Variants in AMBP observed in about 807,000 individuals in gnomAD.
AMBP encodes the protein protein AMBP.
In AMBP, 37 loss-of-function variants were observed where a neutral mutation model predicts 46.3. The ratio of observed to expected loss-of-function variants is 0.80; its 90% CI spans 0.61 to 1.05. The LOEUF is 1.05. Ranked by LOEUF, AMBP falls within the 50% of genes least tolerant of loss-of-function variation. The pLI, the probability that AMBP is intolerant of heterozygous loss-of-function variation, is 0.00. For synonymous variants in AMBP, 174 were observed against 175.9 expected (o/e 0.99, Z 0.09); for missense variants, 475 against 461.2 (o/e 1.03, Z -0.27).
At chr9:114,061,137 T>C (rs766909392) in intron 8 of AMBP, 39 bp from the exon 9 acceptor site, 1 of 1,605,010 alleles carries the variant, frequency 6.2e-7, no homozygotes, top group East Asian at 2.2e-5. Flanking sequence ...GAGAAACCCT[T>C]GTGACTGCTG....
At chr9:114,061,724 G>C in intron 7 of AMBP, 133 bp from the exon 8 acceptor site, 1 of 1,095,850 alleles carries the variant, frequency 9.1e-7, no homozygotes, top group South Asian at 1.7e-5. Context: ...TAAGCAAACT[G>C]ACTCTCAGAG....
rs888456476 is a variant in AMBP, at chr9:114,075,021, C to T, written c.276G>A (p.Glu92=). ...TTTTCTCATAAGCTCCAGACGTCTC[C>T]TCACAGACACCTTTCCTAGAAATGA... The part of the protein sequence containing the change: ...TSTRWRKGVC[E]ETSGAYEKTD... The change falls in exon 3 of 10, where the codon GAG becomes GAA. Residue 92 remains glutamate, a synonymous_variant. Coordinates refer to ENST00000265132, the MANE Select transcript of AMBP (RefSeq NM_001633.4). The T allele has an allele frequency of 9.3e-6, 15 of 1,613,976 alleles. No homozygotes were observed. The African/African-American group carries it at 1.3e-4, about 14-fold the overall frequency.
intron 2 of AMBP, among the ~76,000 whole-genome samples, chr9:114,076,040 A>G (rs577148901): frequency 6.6e-6 from 1 of 152,110 alleles, no homozygotes; most frequent in African/African-American, 2.4e-5. Context: ...TCTTACTCCC[A>G]GGGCATTGGG....
chr9:114,068,086 G>C (rs933054126), intron 6 of AMBP, among the ~76,000 whole-genome samples: 1 of 152,174 alleles, frequency 6.6e-6, no homozygotes, highest in African/African-American at 2.4e-5. Flanking sequence ...AGAAATTTTC[G>C]AAGAGTTGCC....
intron 2 of AMBP, 121 bp downstream of exon 2, chr9:114,076,477 G>C: frequency 7.1e-7 from 1 of 1,406,202 alleles, no homozygotes; most frequent in East Asian, 2.4e-5. Context: ...GAGGGATCTG[G>C]GGTTCAGCGG....
At chr9:114,060,308 C>G (rs1229765893) in intron 9 of AMBP, 38 bp from the exon 10 acceptor site, 1 of 1,608,056 alleles carries the variant, frequency 6.2e-7, no homozygotes, top group Non-Finnish European at 8.5e-7. Flanking sequence ...GGTCCGTAGG[C>G]AGGGACACTC....
At chr9:114,072,804 G>C in intron 5 of AMBP, 121 bp downstream of exon 5, 1 of 756,966 alleles carries the variant, frequency 1.3e-6, no homozygotes, top group African/African-American at 1.8e-5. Flanking sequence ...CTATGGAGGG[G>C]AGGCTGTGGC....
At position 114,074,037 on chromosome 9, in the gene AMBP, G is replaced by A. The variant is rs141362229; in HGVS notation, c.453C>T (p.Tyr151=). Residue 151 remains tyrosine (Y), a splice_region_variant and synonymous_variant, in exon 4 of 10, where the codon TAC becomes TAT. Coordinates refer to ENST00000265132, the MANE Select transcript of AMBP (RefSeq NM_001633.4). ...HHGPTITAKL[Y]GRAPQLRETL... is the part of the protein sequence containing the mutation. ...GCACATCTAGTAATGAGCCTTTACC[G>A]TAGAGCTTGGCAGTAATGGTGGGTC... is the stretch of plus-strand genomic sequence containing the variant. 150 of 1,613,344 alleles carry A rather than the reference G, an allele frequency of 9.3e-5. No individual in the cohort carries two copies. The highest frequency in any genetic ancestry group is 3.3e-4 in the East Asian group (15 of 44,890).
chr9:114,060,235 G>A lies in AMBP; in HGVS notation c.*4C>T, dbSNP rs982035836. 2 of 1,612,954 alleles carry A rather than the reference G, an allele frequency of 1.2e-6. No individual in the cohort carries two copies. Among genetic ancestry groups the A allele is most frequent in the African/African-American group, 2.7e-5 (2 of 75,018 alleles). On this transcript the variant is annotated 3_prime_UTR_variant, in exon 10 of 10. Transcript: ENST00000265132. The stretch of plus-strand genomic sequence containing the variant: ...CATCCTCTGACTTGCAGACCGGCCA[G>A]TTGTCAGTTGGAGAAGCGCAGCAGC...
rs753010410 is a variant in AMBP at position 114,060,259 on chromosome 9, GCTC to G, written c.1036_1038del (p.Glu346del). 23 of 1,613,418 alleles carry G rather than the reference GCTC, an allele frequency of 1.4e-5. No homozygotes were observed. In the African/African-American group the frequency reaches 2.7e-4, roughly 19 times the overall value. On this transcript the variant is annotated inframe_deletion, in exon 10 of 10. Coordinates refer to ENST00000265132, the MANE Select transcript of AMBP (RefSeq NM_001633.4). ...AGTTGTCAGTTGGAGAAGCGCAGCA[GCTC>G]CTCATCACCTGTGGACACAGAGAGA...
rs559236795 is a variant in AMBP, at chr9:114,061,463, C to T, written c.814G>A (p.Val272Ile). ...GGCMGNGNNF[V>I]TEKECLQTCR... ...GTCTGCAGACACTCCTTTTCTGTGA[C>T]GAAGTTGTTACCGTTGCCCATGCAG... Residue 272 changes from valine to isoleucine, a missense_variant, in exon 8 of 10, where the codon GTC becomes ATC. By Grantham distance (29) the Val-to-Ile change is conservative (BLOSUM62 3). Transcript: ENST00000265132. The T allele has an allele frequency of 2.8e-5, 45 of 1,614,012 alleles. No homozygotes were observed. In the African/African-American group the frequency reaches 3.3e-4, roughly 12 times the overall value.
At chr9:114,071,224 C>T (rs1846740980) in intron 5 of AMBP, among the ~76,000 whole-genome samples, 1 of 152,228 alleles carries the variant, frequency 6.6e-6, no homozygotes, top group Admixed American at 6.5e-5. Context: ...AGGAAGGTCC[C>T]CTGCCCACCA....
chr9:114,065,736 G>A (rs1846687574), intron 6 of AMBP, among the ~76,000 whole-genome samples: 1 of 151,978 alleles, frequency 6.6e-6, no homozygotes, highest in South Asian at 2.1e-4. Flanking sequence ...AGGGGGAGGT[G>A]GGATTGGGCT....
Position 114,076,711 on chromosome 9 carries a change from G to T in AMBP, c.147C>A (p.Ile49=), listed in dbSNP as rs374441048. The T allele has an allele frequency of 6.2e-7, 1 of 1,614,012 alleles. No individual in the cohort carries two copies. Among genetic ancestry groups the T allele is most frequent in the Non-Finnish European group, 8.5e-7 (1 of 1,179,962 alleles). Reference sequence around the variant, plus strand: ...TCTTCAGCCAGGGGCAGGTGGAACCGATGGCCAGGTTGTACCACTTCCCAT... The same window carrying T: ...TCTTCAGCCAGGGGCAGGTGGAACCTATGGCCAGGTTGTACCACTTCCCAT... The part of the protein sequence containing the change: ...RIYGKWYNLA[I]GSTCPWLKKI... Residue 49 remains isoleucine, a synonymous_variant, in exon 2 of 10, where the codon ATC becomes ATA. Coordinates refer to ENST00000265132, the MANE Select transcript of AMBP (RefSeq NM_001633.4).
chr9:114,062,666 G>A lies in AMBP; in HGVS notation c.685+11C>T, dbSNP rs756121453. ...TATGGCAGAGGGGGTGAAAAGGCAG[G>A]TGTTCATTACCTTCTTTCTTGGTGA... On this transcript the variant is annotated intron_variant, in intron 7 of 9. Coordinates refer to ENST00000265132, the MANE Select transcript of AMBP (RefSeq NM_001633.4). The A allele has an allele frequency of 2.5e-5, 41 of 1,613,138 alleles. No individual in the cohort carries two copies. The African/African-American group carries it at 3.7e-4, about 15-fold the overall frequency.
At chr9:114,073,952 C>T in intron 4 of AMBP, 84 bp downstream of exon 4, 3 of 1,316,726 alleles carry the variant, frequency 2.3e-6, no homozygotes, top group Non-Finnish European at 2.2e-6. Flanking sequence ...AGCAAAACTC[C>T]CTGTGCTTAC....
rs368854094 is a variant in AMBP at position 114,073,051 on chromosome 9, G to A, written c.455-25C>T. The A allele has an allele frequency of 3.9e-5, 62 of 1,598,596 alleles. No individual in the cohort carries two copies. The African/African-American group carries it at 6.4e-4, about 17-fold the overall frequency. On this transcript the variant is annotated intron_variant, in intron 4 of 9. Coordinates refer to ENST00000265132, the MANE Select transcript of AMBP (RefSeq NM_001633.4). ...CCTGCAAGGAGGAAGCAGAGGAGAC[G>A]CCTAGAACCACCAGGTGCTTGGAGT... is the stretch of plus-strand genomic sequence containing the variant.
At chr9:114,063,770 A>G (rs749381919) in intron 6 of AMBP, among the ~76,000 whole-genome samples, 10 of 152,260 alleles carry the variant, frequency 6.6e-5, no homozygotes, top group Non-Finnish European at 1.3e-4. Flanking sequence ...TGAATATGTG[A>G]AAGTAGAAAA....
intron 1 of AMBP, 22 bp from the exon 2 acceptor site, chr9:114,076,762 G>A (rs778865269): frequency 2.0e-5 from 32 of 1,612,426 alleles, no homozygotes; most frequent in Non-Finnish European, 2.6e-5. Context: ...GTGAGCTCTG[G>A]GGGTCTGCAT....
Sources: allele counts gnomAD v4.1 joint callset (sites outside exome capture counted in the v4.1 genomes callset), GRCh38; gene constraint gnomAD v4.1.1; transcripts MANE v1.5; gene names NCBI Gene and HGNC (gene_info 2026-07-23, HGNC 2026-07-21).